GSG1L: variants seen among roughly 807,000 people sequenced by gnomAD.
The protein encoded by GSG1L is GSG1 like, also known as germ cell-specific gene 1-like protein.
A neutral mutation model predicts 42.1 loss-of-function variants in GSG1L; 24 were observed. That is an observed-to-expected ratio of 0.57 (90% CI 0.41 to 0.80). The LOEUF (loss-of-function observed/expected upper bound fraction) is 0.80, where lower values mean the gene tolerates loss of function less well. Among genes scored for constraint, GSG1L ranks in the 30% least tolerant of loss-of-function variants. The pLI is 0.00. For synonymous variants in GSG1L, 215 were observed against 203.5 expected (o/e 1.06, Z -0.48); for missense variants, 445 against 472.2 (o/e 0.94, Z 0.53).
intron 6 of GSG1L, among the ~76,000 whole-genome samples, chr16:27,805,969 TGCA>T (rs2082956945): frequency 1.3e-5 from 2 of 151,980 alleles, no homozygotes; most frequent in Admixed American, 1.3e-4. Context: ...CCGCCTATTC[TGCA>T]GGGAGCCTGG....
intron 2 of GSG1L, among the ~76,000 whole-genome samples, chr16:27,951,513 T>G (rs1567532605): frequency 1.3e-5 from 2 of 152,136 alleles, no homozygotes; most frequent in African/African-American, 4.8e-5. Context: ...GAAGGAGGGC[T>G]TTGTGGAGGC....
chr16:28,058,567 G>A (rs576108700), intron 1 of GSG1L, among the ~76,000 whole-genome samples: 1 of 145,360 alleles, frequency 6.9e-6, no homozygotes, highest in South Asian at 2.2e-4. Context: ...GGTGGAAGCT[G>A]TAGTAAGCTG....
At position 27,789,561 on chromosome 16, in the gene GSG1L, T is replaced by C. The variant is rs2082728447; in HGVS notation, c.*1809A>G. The stretch of plus-strand genomic sequence containing the variant: ...AATAATGGATAAATGAAGAAATGCA[T>C]AATGGTTGAATGGATAAGGGATGAA... On this transcript the variant is annotated 3_prime_UTR_variant, in exon 7 of 7. Transcript: ENST00000447459. 1 of 151,416 alleles carries C rather than the reference T, an allele frequency of 6.6e-6. No homozygotes were observed. The highest frequency in any genetic ancestry group is 1.5e-5 in the Non-Finnish European group (1 of 67,850). The allele number at this position is 151,416 out of a possible 1,614,324, so 9.4% of individuals were successfully genotyped here. A position where few individuals can be genotyped will look rare whatever the true frequency, so the allele number is the denominator to read the frequency against.
chr16:27,804,158 C>A lies in GSG1L; in HGVS notation c.898+3329G>T, dbSNP rs548437693. On this transcript the variant is annotated intron_variant, in intron 6 of 6. Coordinates refer to ENST00000447459, the MANE Select transcript of GSG1L (RefSeq NM_001109763.2). ...TTCTCCCTGCTTAAAATGCCCCGGG[C>A]TCCCTGCTGCAGAATCAACTTCCCC... is the stretch of plus-strand genomic sequence containing the variant. Among the ~76,000 whole-genome samples, 14 of 152,204 alleles carry A rather than the reference C, an allele frequency of 9.2e-5. No homozygotes were observed. In the East Asian group the frequency reaches 2.5e-3, roughly 27 times the overall value.
At chr16:28,062,383 G>A (rs2086351726) in intron 1 of GSG1L, among the ~76,000 whole-genome samples, 2 of 152,172 alleles carry the variant, frequency 1.3e-5, no homozygotes, top group South Asian at 4.1e-4. Context: ...AGCCCTCCTG[G>A]ACTCCTCGAC....
In GSG1L at chr16:28,005,620, T is replaced by TG. The variant is rs71140938; in HGVS notation, c.350-42418dup. On this transcript the variant is annotated intron_variant, in intron 1 of 6. Coordinates refer to ENST00000447459, the MANE Select transcript of GSG1L (RefSeq NM_001109763.2). ...GGTTAGGAGTTCAACGTATGAATGG[T>TG]GGGGGGGGAGGGGCATAATTCAACC... Among the ~76,000 whole-genome samples the TG allele has an allele frequency of 2.3e-3, 337 of 147,460 alleles. 1 individual carries two copies. The highest frequency in any genetic ancestry group is 3.6e-3 in the Non-Finnish European group (239 of 66,864).
Position 27,881,238 on chromosome 16 carries a change from C to CTTTTTTTTT in GSG1L, c.550+3239_550+3247dup, listed in dbSNP as rs149874320. On this transcript the variant is annotated intron_variant, in intron 3 of 6. Transcript: ENST00000447459. Reference sequence around the variant, plus strand: ...AGTGGAAACTTTAATAAGTATCATACTTTTTTTTTTTTTTTTTTTTTGAGA... The same window carrying CTTTTTTTTT: ...AGTGGAAACTTTAATAAGTATCATACTTTTTTTTTTTTTTTTTTTTTTTTTTTTTTGAGA... Among the ~76,000 whole-genome samples, 4 of 106,978 alleles carry CTTTTTTTTT rather than the reference C, an allele frequency of 3.7e-5. 1 individual carries two copies. The highest frequency in any genetic ancestry group is 1.0e-4 in the African/African-American group (3 of 28,718). 70.2% of individuals were successfully genotyped at this position (106,978 alleles called of 152,430 possible). A position where few individuals can be genotyped will look rare whatever the true frequency, so the allele number is the denominator to read the frequency against.
At chr16:27,980,276 G>C (rs1430512791) in intron 1 of GSG1L, among the ~76,000 whole-genome samples, 2 of 152,162 alleles carry the variant, frequency 1.3e-5, no homozygotes, top group African/African-American at 4.8e-5. Context: ...GGGGGAAGGG[G>C]TCACTAAGGA....
chr16:27,954,545 G>A (rs2141098954), intron 2 of GSG1L, among the ~76,000 whole-genome samples: 1 of 152,318 alleles, frequency 6.6e-6, no homozygotes, highest in South Asian at 2.1e-4. Flanking sequence ...TGATGGCTGA[G>A]TTTATTAATA....
chr16:27,880,846 C>T (rs1485798751), intron 3 of GSG1L, among the ~76,000 whole-genome samples: 7 of 151,966 alleles, frequency 4.6e-5, no homozygotes, highest in African/African-American at 1.4e-4. Context: ...ATGCTTGGTG[C>T]AGGGGAAGAA....
intron 1 of GSG1L, among the ~76,000 whole-genome samples, chr16:27,992,032 C>T (rs1848939169): frequency 1.3e-5 from 2 of 152,156 alleles, no homozygotes; most frequent in African/African-American, 4.8e-5. Flanking sequence ...GGAAGTGAAA[C>T]CTCCATGATA....
chr16:28,014,339 A>G (rs1442622776), intron 1 of GSG1L, among the ~76,000 whole-genome samples: 1 of 152,204 alleles, frequency 6.6e-6, no homozygotes, highest in Non-Finnish European at 1.5e-5. Context: ...ACACGGGAAC[A>G]TGCCTCAGTT....
chr16:27,898,501 A>G (rs868068944), intron 2 of GSG1L, among the ~76,000 whole-genome samples: 21 of 151,906 alleles, frequency 1.4e-4, no homozygotes, highest in Admixed American at 5.9e-4. Flanking sequence ...GGTTTTTGAG[A>G]TTTTTTGTTT....
At position 27,970,562 on chromosome 16, in the gene GSG1L, A is replaced by G. The variant is rs544710932; in HGVS notation, c.350-7359T>C. 9.3e-5 allele frequency among the ~76,000 whole-genome samples: 14 copies of G among 151,016 alleles called. No homozygotes were observed. In the East Asian group the frequency reaches 2.9e-3, roughly 31 times the overall value. On this transcript the variant is annotated intron_variant, in intron 1 of 6. Coordinates refer to ENST00000447459, the MANE Select transcript of GSG1L (RefSeq NM_001109763.2). The stretch of plus-strand genomic sequence containing the variant: ...ACTCCAGCCTGGGCAACAGAGTGAG[A>G]CTCCATCTAAAAAAAGAAAAATAGA...
chr16:27,823,886 G>A (rs567200077), intron 5 of GSG1L: 8 of 702,910 alleles, frequency 1.1e-5, no homozygotes, highest in East Asian at 5.4e-5. Context: ...GGGGCAAGTC[G>A]CCCTCCCTCT....
At chr16:28,024,400 C>T (rs1013751029) in intron 1 of GSG1L, among the ~76,000 whole-genome samples, 1 of 152,212 alleles carries the variant, frequency 6.6e-6, no homozygotes, top group African/African-American at 2.4e-5. Flanking sequence ...GCGTTTAGAG[C>T]AGGGCCACTG....
chr16:28,043,875 AG>A (rs2086135861), intron 1 of GSG1L, among the ~76,000 whole-genome samples: 1 of 152,064 alleles, frequency 6.6e-6, no homozygotes, highest in Admixed American at 6.5e-5. Context: ...TACATAAATT[AG>A]CAGGGCATGG....
chr16:27,954,511 C>T (rs1039993110), intron 2 of GSG1L, among the ~76,000 whole-genome samples: 6 of 152,076 alleles, frequency 3.9e-5, no homozygotes, highest in Admixed American at 2.0e-4. Context: ...ACCTCCCAGG[C>T]CCCCCATTTG....
chr16:27,989,890 T>G (rs779163965), intron 1 of GSG1L, among the ~76,000 whole-genome samples: 1 of 152,220 alleles, frequency 6.6e-6, no homozygotes, highest in African/African-American at 2.4e-5. Context: ...TCTTGGTATA[T>G]GCAGTTAATT....
Sources: gnomAD v4.1 joint callset for allele counts (sites outside exome capture counted in the v4.1 genomes callset) on GRCh38, gnomAD v4.1.1 for gene constraint, MANE v1.5 for transcripts, NCBI Gene and HGNC (gene_info 2026-07-23, HGNC 2026-07-21) for gene names.